FMO3: variants seen among roughly 807,000 people sequenced by gnomAD.
The protein encoded by FMO3 is flavin-containing monooxygenase 3.
In FMO3, 40 loss-of-function variants were observed where a neutral mutation model predicts 39.4. The observed-to-expected ratio is 1.02, with a 90% CI of 0.79 to 1.32. FMO3 has a LOEUF of 1.32. Ranked by LOEUF, FMO3 falls within the 40% of genes most tolerant of loss-of-function variation. The pLI, the probability that FMO3 is intolerant of heterozygous loss-of-function variation, is 0.00. For synonymous variants in FMO3, 219 were observed against 228.8 expected (o/e 0.96, Z 0.39); for missense variants, 680 against 651.8 (o/e 1.04, Z -0.47).
At chr1:171,091,853 C>T (rs1279195289) in intron 1 of FMO3, among the ~76,000 whole-genome samples, 1 of 151,970 alleles carries the variant, frequency 6.6e-6, no homozygotes, top group African/African-American at 2.4e-5. Context: ...GACCTTGTTC[C>T]TCATTATCCG....
intron 2 of FMO3, among the ~76,000 whole-genome samples, chr1:171,098,507 T>C (rs1383507831): frequency 6.6e-6 from 1 of 152,210 alleles, no homozygotes; most frequent in Non-Finnish European, 1.5e-5. Flanking sequence ...GTCTTTCACA[T>C]CCCTTGTAAG....
At chr1:171,102,109 C>T (rs778468390) in intron 2 of FMO3, among the ~76,000 whole-genome samples, 9 of 152,120 alleles carry the variant, frequency 5.9e-5, no homozygotes, top group Admixed American at 2.0e-4. Context: ...TTAAAGAACA[C>T]GCTGCTTTCT....
chr1:171,112,697 A>C (rs28363575), intron 6 of FMO3, among the ~76,000 whole-genome samples: 3 of 152,186 alleles, frequency 2.0e-5, no homozygotes, highest in African/African-American at 7.2e-5. Flanking sequence ...TTGAGCCAGC[A>C]GTGGGAAACA....
At chr1:171,098,547 A>G (rs1655212343) in intron 2 of FMO3, among the ~76,000 whole-genome samples, 1 of 152,004 alleles carries the variant, frequency 6.6e-6, no homozygotes, top group African/African-American at 2.4e-5. Context: ...ATTCTCTTTG[A>G]AGCAATTGTG....
At chr1:171,101,176 T>G in intron 2 of FMO3, 1 of 456,228 alleles carries the variant, frequency 2.2e-6, no homozygotes, top group East Asian at 6.9e-5. Flanking sequence ...AAGGAATGGA[T>G]TCTCTCCTGG....
intron 2 of FMO3, among the ~76,000 whole-genome samples, chr1:171,094,296 C>CT (rs1654853789): frequency 6.6e-6 from 1 of 151,920 alleles, no homozygotes; most frequent in Non-Finnish European, 1.5e-5. Flanking sequence ...CCTTTTTCCC[C>CT]TTTGTAATGG....
chr1:171,092,083 A>G (rs1011288516), intron 1 of FMO3, among the ~76,000 whole-genome samples: 2 of 152,196 alleles, frequency 1.3e-5, no homozygotes, highest in Non-Finnish European at 2.9e-5. Context: ...AAAGCAAAAA[A>G]GATAAATATG....
At chr1:171,101,715 T>G in intron 2 of FMO3, 1 of 515,216 alleles carries the variant, frequency 1.9e-6, no homozygotes, top group South Asian at 1.5e-5. Flanking sequence ...CCTCACCTTC[T>G]TTGGTCACAG....
chr1:171,101,515 G>A (rs939002193), intron 2 of FMO3, among the ~76,000 whole-genome samples: 1 of 152,064 alleles, frequency 6.6e-6, no homozygotes, highest in Non-Finnish European at 1.5e-5. Context: ...CTTCCCTTTG[G>A]TTTCTAACAT....
At chr1:171,115,371 G>A (rs139703538) in intron 7 of FMO3, among the ~76,000 whole-genome samples, 104 of 152,132 alleles carry the variant, frequency 6.8e-4, no homozygotes, top group African/African-American at 2.3e-3. Flanking sequence ...GTAGTCGGCA[G>A]GCTAAAAAAC....
At chr1:171,093,442 T>A (rs2101893366) in intron 2 of FMO3, among the ~76,000 whole-genome samples, 1 of 151,878 alleles carries the variant, frequency 6.6e-6, no homozygotes, top group African/African-American at 2.4e-5. Flanking sequence ...TCCATGTTGC[T>A]GCAGAAGACA....
chr1:171,091,902 T>C (rs1375486676), intron 1 of FMO3, among the ~76,000 whole-genome samples: 2 of 152,080 alleles, frequency 1.3e-5, no homozygotes, highest in Admixed American at 6.6e-5. Context: ...CGTGTGTGTG[T>C]GTGTGTGTGT....
chr1:171,096,403 ATATAT>A (rs1367426236), intron 2 of FMO3, among the ~76,000 whole-genome samples: 37 of 102,332 alleles, frequency 3.6e-4, no homozygotes, highest in Non-Finnish European at 5.6e-4. Context: ...ATAATTACAT[ATATAT>A]TATATATGTT....
chr1:171,098,162 G>A (rs1361993534), intron 2 of FMO3, among the ~76,000 whole-genome samples: 3 of 152,054 alleles, frequency 2.0e-5, no homozygotes, highest in Non-Finnish European at 2.9e-5. Flanking sequence ...CTCTGTTTTG[G>A]TACCAGTACC....
At chr1:171,106,410 G>A (rs1029020200) in intron 3 of FMO3, among the ~76,000 whole-genome samples, 1 of 152,148 alleles carries the variant, frequency 6.6e-6, no homozygotes, top group Non-Finnish European at 1.5e-5. Context: ...AAAGCACTGG[G>A]ATTACAGGCG....
chr1:171,096,056 A>T (rs1447241250), intron 2 of FMO3, among the ~76,000 whole-genome samples: 5 of 54,826 alleles, frequency 9.1e-5, no homozygotes, highest in African/African-American at 1.5e-4. Context: ...ATAAATATAT[A>T]ATATATATTA....
chr1:171,098,718 C>G (rs528452187), intron 2 of FMO3, among the ~76,000 whole-genome samples: 1 of 152,256 alleles, frequency 6.6e-6, no homozygotes, highest in South Asian at 2.1e-4. Context: ...TCTAGATATA[C>G]AATCATGTCA....
At chr1:171,099,833 G>A (rs1046516592) in intron 2 of FMO3, 4 of 144,650 alleles carry the variant, frequency 2.8e-5, no homozygotes, top group South Asian at 2.2e-4. Flanking sequence ...TGCCCAGGCT[G>A]GAGTGCAATG....
chr1:171,091,457 G>A (rs1654699466), intron 1 of FMO3, among the ~76,000 whole-genome samples: 1 of 152,126 alleles, frequency 6.6e-6, no homozygotes, highest in South Asian at 2.1e-4. Context: ...AAAAAAAGTA[G>A]TGAAAGAAGT....
Sources: gnomAD v4.1 joint callset for allele counts (sites outside exome capture counted in the v4.1 genomes callset) on GRCh38, gnomAD v4.1.1 for gene constraint, MANE v1.5 for transcripts, NCBI Gene and HGNC (gene_info 2026-07-23, HGNC 2026-07-21) for gene names.